ELOVL2: variants seen among roughly 807,000 people sequenced by gnomAD.
ELOVL2 encodes ELOVL fatty acid elongase 2, also known as very long chain fatty acid elongase 2.
ELOVL2 carries 38 observed loss-of-function variants against 37.7 expected under a neutral mutation model. The observed-to-expected ratio is 1.01, with a 90% CI of 0.78 to 1.32. The LOEUF is 1.32. Ranked by LOEUF, ELOVL2 falls within the 40% of genes most tolerant of loss-of-function variation. The pLI is 0.00. For synonymous variants in ELOVL2, 115 were observed against 122.3 expected (o/e 0.94, Z 0.40); for missense variants, 352 against 363.6 (o/e 0.97, Z 0.26).
chr6:11,021,186 T>G (rs1448021989), intron 1 of ELOVL2, among the ~76,000 whole-genome samples: 3 of 152,232 alleles, frequency 2.0e-5, no homozygotes, highest in Admixed American at 6.5e-5. Context: ...ATCTAATTAC[T>G]TGGAGTTCCT....
At position 11,044,087 on chromosome 6, in the gene ELOVL2, G is replaced by C; in HGVS notation, c.3+141C>G. The stretch of plus-strand genomic sequence containing the variant: ...CGCTCCCCAGGCCCGCGCGGACCCG[G>C]CCCCTCCGAGGGTAGCGGGTTCCAG... On this transcript the variant is annotated intron_variant, in intron 1 of 7. Coordinates refer to ENST00000354666, the MANE Select transcript of ELOVL2 (RefSeq NM_017770.4). This position sits in a 1 kb window ranked among gnomAD's most constrained non-coding sequence, Gnocchi z 5.6. 3.6e-6 allele frequency: 4 copies of C among 1,107,536 alleles called. No individual in the cohort carries two copies. Among genetic ancestry groups the C allele is most frequent in the Non-Finnish European group, 3.5e-6 (3 of 854,610 alleles). The allele number at this position is 1,107,536 out of a possible 1,614,324, so 68.6% of individuals were successfully genotyped here. A position where few individuals can be genotyped will look rare whatever the true frequency, so the allele number is the denominator to read the frequency against.
At chr6:11,034,219 A>T (rs536919205) in intron 1 of ELOVL2, among the ~76,000 whole-genome samples, 55 of 152,248 alleles carry the variant, frequency 3.6e-4, no homozygotes, top group African/African-American at 1.3e-3. Flanking sequence ...AAACTTCCTA[A>T]ATGATATTTT....
At chr6:10,990,667 G>GC (rs372558428) in intron 5 of ELOVL2, among the ~76,000 whole-genome samples, 20,401 of 142,624 alleles carry the variant, frequency 0.14, 1,551 homozygotes, top group Non-Finnish European at 0.17. Flanking sequence ...TTTTCAGAAT[G>GC]CCCCCCCCCC....
chr6:11,018,764 C>T (rs1446272680), intron 1 of ELOVL2, among the ~76,000 whole-genome samples: 1 of 152,154 alleles, frequency 6.6e-6, no homozygotes, highest in African/African-American at 2.4e-5. Flanking sequence ...GTTTCTATTA[C>T]AAAAATACCA....
At chr6:11,011,803 T>C (rs1782587313) in intron 1 of ELOVL2, among the ~76,000 whole-genome samples, 1 of 152,146 alleles carries the variant, frequency 6.6e-6, no homozygotes, top group South Asian at 2.1e-4. Context: ...CTGCTCAAAA[T>C]ACCCGTTCAG....
chr6:11,013,724 AG>A (rs560739470), intron 1 of ELOVL2, among the ~76,000 whole-genome samples: 3 of 152,196 alleles, frequency 2.0e-5, no homozygotes, highest in East Asian at 3.9e-4. Context: ...GTGCGGATGC[AG>A]GATGGGTTTT....
chr6:11,019,032 GA>G (rs1255800679), intron 1 of ELOVL2, among the ~76,000 whole-genome samples: 1 of 152,102 alleles, frequency 6.6e-6, no homozygotes, highest in Non-Finnish European at 1.5e-5. Flanking sequence ...AGGGTACAAA[GA>G]GGTTTGTGCC....
intron 1 of ELOVL2, among the ~76,000 whole-genome samples, chr6:11,014,709 C>T (rs1782642807): frequency 6.6e-6 from 1 of 151,874 alleles, no homozygotes; most frequent in South Asian, 2.1e-4. Flanking sequence ...AGTTGGTAAA[C>T]AATTTATTTC....
Position 11,030,620 on chromosome 6 carries a change from T to C in ELOVL2, c.3+13608A>G, listed in dbSNP as rs9468280. On this transcript the variant is annotated intron_variant, in intron 1 of 7. Coordinates refer to ENST00000354666, the MANE Select transcript of ELOVL2 (RefSeq NM_017770.4). Reference sequence around the variant, plus strand: ...CATTCTCCTGCCTCAGCCTCCTGAGTAGCTGGGTATACAGGCGCCCGCCAC... The same window carrying C: ...CATTCTCCTGCCTCAGCCTCCTGAGCAGCTGGGTATACAGGCGCCCGCCAC... 8.3e-3 allele frequency among the ~76,000 whole-genome samples: 1,260 copies of C among 152,022 alleles called. 27 individuals are homozygous for C. The highest frequency in any genetic ancestry group is 0.029 in the African/African-American group (1,182 of 41,434).
At chr6:11,035,785 C>T (rs1222291911) in intron 1 of ELOVL2, among the ~76,000 whole-genome samples, 1 of 152,158 alleles carries the variant, frequency 6.6e-6, no homozygotes, top group Non-Finnish European at 1.5e-5. Flanking sequence ...TATGCTTGCA[C>T]TGGAAGAGAC....
chr6:11,042,318 A>G (rs1783110922), intron 1 of ELOVL2, among the ~76,000 whole-genome samples: 1 of 152,116 alleles, frequency 6.6e-6, no homozygotes, highest in Non-Finnish European at 1.5e-5. Flanking sequence ...GCCACAAAAA[A>G]AGAAAGAAGA....
chr6:11,023,647 G>A (rs1782799964), intron 1 of ELOVL2, among the ~76,000 whole-genome samples: 1 of 152,134 alleles, frequency 6.6e-6, no homozygotes, highest in African/African-American at 2.4e-5. Flanking sequence ...GATTTATTGA[G>A]CAATTCGGGT....
In ELOVL2 at chr6:10,982,295, A is replaced by G. The variant is rs1781950273; in HGVS notation, c.*1486T>C. The G allele has an allele frequency of 6.6e-6, 1 of 152,150 alleles. No homozygotes were observed. The highest frequency in any genetic ancestry group is 1.9e-4 in the East Asian group (1 of 5,194). The allele number at this position is 152,150 out of a possible 1,614,324, so 9.4% of individuals were successfully genotyped here. The stretch of plus-strand genomic sequence containing the variant: ...TTTAAAACTAGAGCTCAGGGGGGAA[A>G]AAAAGCCGAGAGAGAAAGGCACTCT... On this transcript the variant is annotated 3_prime_UTR_variant, in exon 8 of 8. Coordinates refer to ENST00000354666, the MANE Select transcript of ELOVL2 (RefSeq NM_017770.4).
intron 5 of ELOVL2, among the ~76,000 whole-genome samples, chr6:10,992,794 AC>A (rs772197439): frequency 4.3e-5 from 5 of 115,334 alleles, no homozygotes; most frequent in Non-Finnish European, 5.2e-5. Context: ...CTCAAAAAAA[AC>A]AAAACAAAAA....
At chr6:11,032,600 G>T (rs1384735904) in intron 1 of ELOVL2, among the ~76,000 whole-genome samples, 1 of 152,178 alleles carries the variant, frequency 6.6e-6, no homozygotes, top group Non-Finnish European at 1.5e-5. Flanking sequence ...ACTAGTTTAT[G>T]ACTCTGAATG....
intron 3 of ELOVL2, among the ~76,000 whole-genome samples, chr6:11,002,477 G>A (rs1359840496): frequency 6.6e-6 from 1 of 152,162 alleles, no homozygotes; most frequent in Non-Finnish European, 1.5e-5. Context: ...TGTCAAAGAA[G>A]ACCTTTTGCC....
At chr6:10,999,953 C>A in intron 4 of ELOVL2, 134 bp downstream of exon 4, 1 of 746,608 alleles carries the variant, frequency 1.3e-6, no homozygotes, top group Non-Finnish European at 2.2e-6. Flanking sequence ...TCTTTGTTAC[C>A]AAGCATTTCT....
Position 10,983,738 on chromosome 6 carries a change from C to G in ELOVL2, c.*43G>C, listed in dbSNP as rs4532436. Reference sequence around the variant, plus strand: ...ATTCAGTCTTTGCTTTAAAACAAGCCAATCTGTTAGGCTAGTATATGTGCT... The same window carrying G: ...ATTCAGTCTTTGCTTTAAAACAAGCGAATCTGTTAGGCTAGTATATGTGCT... On this transcript the variant is annotated 3_prime_UTR_variant, in exon 8 of 8. Transcript: ENST00000354666. 729,514 of 1,540,468 alleles carry G rather than the reference C, an allele frequency of 0.47. 180,986 individuals carry two copies. Among genetic ancestry groups the G allele is most frequent in the East Asian group, 0.91 (39,746 of 43,758 alleles).
intron 3 of ELOVL2, among the ~76,000 whole-genome samples, chr6:11,002,720 G>A (rs1782411678): frequency 6.6e-6 from 1 of 152,182 alleles, no homozygotes; most frequent in South Asian, 2.1e-4. Context: ...CCTGTTGATG[G>A]TGACTACTGT....
Sources: allele counts gnomAD v4.1 joint callset (sites outside exome capture counted in the v4.1 genomes callset), GRCh38; gene constraint gnomAD v4.1.1; non-coding constraint Gnocchi (gnomAD v3.1); transcripts MANE v1.5; gene names NCBI Gene and HGNC (gene_info 2026-07-23, HGNC 2026-07-21).